The following ABI3BP variants were observed in gnomAD, a reference collection of about 807,000 sequenced individuals.
ABI3BP encodes the protein target of Nesh-SH3.
In ABI3BP, 216 loss-of-function variants were observed where a neutral mutation model predicts 268.6. That is an observed-to-expected ratio of 0.80 (90% CI 0.72 to 0.90). ABI3BP has a LOEUF of 0.90. Among genes scored for constraint, ABI3BP ranks in the 40% least tolerant of loss-of-function variants. The pLI, the probability that ABI3BP is intolerant of heterozygous loss-of-function variation, is 0.00. For missense variants in ABI3BP, 2,090 were observed against 2,182.4 expected (o/e 0.96, Z 0.84); for synonymous variants, 730 against 730.0 (o/e 1.00, Z 0.00).
chr3:100,946,244 G>A (rs1479534732), intron 1 of ABI3BP, among the ~76,000 whole-genome samples: 4 of 151,392 alleles, frequency 2.6e-5, no homozygotes, highest in Admixed American at 6.6e-5. Flanking sequence ...AGTGACATGC[G>A]CCTGTAATCA....
intron 12 of ABI3BP, chr3:100,863,395 A>G (rs1385376183): frequency 6.4e-6 from 1 of 155,998 alleles, no homozygotes; most frequent in African/African-American, 2.4e-5. Flanking sequence ...GGCTCACTGC[A>G]ACCTCCACCT....
At chr3:100,916,795 A>C (rs1161323282) in intron 2 of ABI3BP, among the ~76,000 whole-genome samples, 1 of 152,210 alleles carries the variant, frequency 6.6e-6, no homozygotes, top group Admixed American at 6.5e-5. Context: ...TTCTTGATGC[A>C]AAGCATCTCC....
At chr3:100,865,231 A>G (rs2099038161) in intron 10 of ABI3BP, among the ~76,000 whole-genome samples, 1 of 152,200 alleles carries the variant, frequency 6.6e-6, no homozygotes, top group Non-Finnish European at 1.5e-5. Context: ...GATAGAGTAA[A>G]CAAGCACATG....
intron 6 of ABI3BP, among the ~76,000 whole-genome samples, chr3:100,884,756 T>C (rs2041096914): frequency 1.0e-5 from 1 of 95,320 alleles, no homozygotes; most frequent in South Asian, 3.2e-4. Flanking sequence ...TCCCTTCTTC[T>C]CACCGAACTG....
At chr3:100,929,387 C>T (rs60589186) in intron 1 of ABI3BP, among the ~76,000 whole-genome samples, 2,175 of 152,110 alleles carry the variant, frequency 0.014, 52 homozygotes, top group African/African-American at 0.049. Flanking sequence ...TTCATGACTC[C>T]AGTCTCTCTC....
At chr3:100,869,650 G>T (rs1452851012) in intron 9 of ABI3BP, among the ~76,000 whole-genome samples, 1 of 152,022 alleles carries the variant, frequency 6.6e-6, no homozygotes, top group Non-Finnish European at 1.5e-5. Context: ...CACTGCACCA[G>T]GCCATACTGT....
chr3:100,968,098 C>T (rs1258447210), intron 1 of ABI3BP, among the ~76,000 whole-genome samples: 3 of 152,130 alleles, frequency 2.0e-5, no homozygotes, highest in African/African-American at 4.8e-5. Flanking sequence ...TCTAATAGAA[C>T]AATCTGGCCA....
intron 51 of ABI3BP, among the ~76,000 whole-genome samples, chr3:100,799,701 C>CT (rs2097463890): frequency 6.6e-6 from 1 of 152,118 alleles, no homozygotes; most frequent in South Asian, 2.1e-4. Context: ...TCTGGAAGCT[C>CT]TTTTTCCTGT....
chr3:100,943,436 A>G (rs547753967), intron 1 of ABI3BP, among the ~76,000 whole-genome samples: 27 of 152,260 alleles, frequency 1.8e-4, no homozygotes, highest in East Asian at 9.6e-4. Flanking sequence ...AATGAAATAC[A>G]TAAATCTTAA....
intron 57 of ABI3BP, among the ~76,000 whole-genome samples, chr3:100,786,320 A>C (rs1430542983): frequency 6.6e-6 from 1 of 152,198 alleles, no homozygotes; most frequent in Non-Finnish European, 1.5e-5. Context: ...CTGCTATATT[A>C]TTCTTCCAAA....
rs1162388835 is a variant in ABI3BP at position 100,795,970 on chromosome 3, G to A, written c.3818-119C>T. 5.7e-6 allele frequency: 4 copies of A among 697,314 alleles called. No homozygotes were observed. In the African/African-American group the frequency reaches 7.9e-5, roughly 14 times the overall value. The allele number at this position is 697,314 out of a possible 1,614,324, so 43.2% of individuals were successfully genotyped here. On this transcript the variant is annotated intron_variant, in intron 52 of 67. Transcript: ENST00000471714. ...ATAATTTAAATGTTCTCTAAGAATT[G>A]TAATAAATAAGAGAAAATTCTTCAC...
At chr3:100,781,571 G>C (rs2096864604) in intron 57 of ABI3BP, among the ~76,000 whole-genome samples, 2 of 152,112 alleles carry the variant, frequency 1.3e-5, no homozygotes, top group Non-Finnish European at 2.9e-5. Flanking sequence ...TGGCTCATTT[G>C]AGTGGTTACT....
chr3:100,862,491 C>A, intron 13 of ABI3BP, 106 bp from the exon 14 acceptor site: 1 of 698,506 alleles, frequency 1.4e-6, no homozygotes. Flanking sequence ...CAGAAGCCTG[C>A]AGTATACCAA....
chr3:100,790,333 C>G (rs1181787017), intron 55 of ABI3BP, among the ~76,000 whole-genome samples: 1 of 152,036 alleles, frequency 6.6e-6, no homozygotes, highest in Non-Finnish European at 1.5e-5. Context: ...CCTGTCCCCA[C>G]TTCCCTATCA....
In ABI3BP at chr3:100,854,149, G is replaced by A. The variant is rs541286761; in HGVS notation, c.1286-2209C>T. Reference sequence around the variant, plus strand: ...GTAAATCCCTTGAGGTTAGGAGTTCGAGACCAGCCTGGCCAGGAGAGTGAA... The same window carrying A: ...GTAAATCCCTTGAGGTTAGGAGTTCAAGACCAGCCTGGCCAGGAGAGTGAA... On this transcript the variant is annotated intron_variant, in intron 14 of 67. Coordinates refer to ENST00000471714, the MANE Select transcript of ABI3BP (RefSeq NM_001375547.2). 2.0e-5 allele frequency among the ~76,000 whole-genome samples: 3 copies of A among 148,414 alleles called. No homozygotes were observed. The South Asian group carries it at 6.4e-4, about 32-fold the overall frequency.
chr3:100,892,702 A>G (rs867704627), intron 4 of ABI3BP, among the ~76,000 whole-genome samples: 2 of 152,216 alleles, frequency 1.3e-5, no homozygotes, highest in African/African-American at 4.8e-5. Flanking sequence ...TCTCAGGCCT[A>G]CTGAATCAGA....
intron 44 of ABI3BP, among the ~76,000 whole-genome samples, chr3:100,814,211 CCTT>C (rs1295982611): frequency 6.6e-6 from 1 of 152,038 alleles, no homozygotes; most frequent in Non-Finnish European, 1.5e-5. Context: ...TTCAAAATGT[CCTT>C]CTGAAAAAGC....
In ABI3BP at chr3:100,749,164, A is replaced by AAATG. The variant is rs1245113791; in HGVS notation, c.*1327_*1330dup. On this transcript the variant is annotated 3_prime_UTR_variant, in exon 68 of 68. Coordinates refer to ENST00000471714, the MANE Select transcript of ABI3BP (RefSeq NM_001375547.2). ...AATGCATTTGGTAATCGTTGGTTTAAAATGAACTTTATTACTTCATAGGAT... is the reference window on the plus strand; with the variant it reads ...AATGCATTTGGTAATCGTTGGTTTAAAATGAATGAACTTTATTACTTCATAGGAT... 1 of 143,952 alleles carries AAATG rather than the reference A, an allele frequency of 6.9e-6. No individual in the cohort carries two copies. Among genetic ancestry groups the AAATG allele is most frequent in the East Asian group, 1.9e-4 (1 of 5,148 alleles). The allele number at this position is 143,952 out of a possible 1,614,324, so 8.9% of individuals were successfully genotyped here. A position where few individuals can be genotyped will look rare whatever the true frequency, so the allele number is the denominator to read the frequency against.
At chr3:100,799,944 C>T (rs2097475815) in intron 51 of ABI3BP, among the ~76,000 whole-genome samples, 1 of 152,158 alleles carries the variant, frequency 6.6e-6, no homozygotes, top group South Asian at 2.1e-4. Flanking sequence ...TCCTGCAAGG[C>T]TAGCATGTAC....
Sources: gnomAD v4.1 joint callset for allele counts (sites outside exome capture counted in the v4.1 genomes callset) on GRCh38, gnomAD v4.1.1 for gene constraint, MANE v1.5 for transcripts, NCBI Gene and HGNC (gene_info 2026-07-23, HGNC 2026-07-21) for gene names.